PRH1: variants seen among roughly 807,000 people sequenced by gnomAD.
PRH1 encodes salivary acidic proline-rich phosphoprotein 1/2.
In PRH1, 7 loss-of-function variants were observed where a neutral mutation model predicts 7.9. The observed-to-expected ratio is 0.89, with a 90% CI of 0.50 to 1.67. PRH1 has a LOEUF of 1.67. PRH1 is among the 40% of genes most tolerant of loss of function. PRH1 has a pLI of 0.00. For synonymous variants in PRH1, 45 were observed against 80.8 expected, an observed-to-expected ratio of 0.56 and a Z score of 2.38; for missense variants, 109 against 223.6, an observed-to-expected ratio of 0.49 and a Z score of 3.27.
chr12:10,992,293 ACT>A (rs1481089282), intron 1 of PRH1, among the ~76,000 whole-genome samples: 2 of 152,130 alleles, frequency 1.3e-5, no homozygotes, highest in Non-Finnish European at 1.5e-5. Context: ...ATATATCCAT[ACT>A]CTCAGAATTT....
intron 1 of PRH1, among the ~76,000 whole-genome samples, chr12:10,981,231 C>T (rs1410271716): frequency 3.3e-5 from 5 of 152,174 alleles, no homozygotes; most frequent in African/African-American, 1.2e-4. Flanking sequence ...CCCCAGAAAA[C>T]AGTCCTCAGA....
Position 11,097,445 on chromosome 12 carries a change from T to A in PRH1, n.124-50257A>T, listed in dbSNP as rs1275341576. Among the ~76,000 whole-genome samples, 2 of 115,042 alleles carry A rather than the reference T, an allele frequency of 1.7e-5. 1 individual carries two copies. The highest frequency in any genetic ancestry group is 1.8e-4 in the Admixed American group (2 of 11,368). 75.5% of individuals were successfully genotyped at this position (115,042 alleles called of 152,430 possible). ...CTCAAAAAATGTGTTATTTGCTGTATCTTTCTTATTAAGGAATTTTATTTA... is the reference window on the plus strand; with the variant it reads ...CTCAAAAAATGTGTTATTTGCTGTAACTTTCTTATTAAGGAATTTTATTTA... On this transcript the variant is annotated intron_variant and non_coding_transcript_variant, in intron 1 of 4. Transcript: ENST00000541977.
rs768693179 is a variant in PRH1, at chr12:10,996,973, T to G, written c.-125-23252A>C. ...ATGGAGTTGACTGGTTCTGTCCTTT[T>G]GCCCAGCAAGTCACCTGCCACAAAA... On this transcript the variant is annotated intron_variant, in intron 1 of 3. Transcript: ENST00000539853. 1.9e-6 allele frequency: 3 copies of G among 1,613,266 alleles called. No individual in the cohort carries two copies. The African/African-American group carries it at 4.0e-5, about 22-fold the overall frequency.
Position 11,030,963 on chromosome 12 carries a change from C to T in PRH1, c.-126+16057G>A, listed in dbSNP as rs767981208. The T allele has an allele frequency of 6.2e-6, 10 of 1,614,172 alleles. No homozygotes were observed. In the Admixed American group the frequency reaches 1.7e-4, roughly 27 times the overall value. ...AGCATCACCAGAATGACACTCTTAA[C>T]TCTCCTCTTTAAGTGAAGAAAAATA... On this transcript the variant is annotated intron_variant, in intron 1 of 3. Transcript: ENST00000539853.
At chr12:11,044,936 C>T (rs1011064943) in intron 1 of PRH1, among the ~76,000 whole-genome samples, 1 of 152,078 alleles carries the variant, frequency 6.6e-6, no homozygotes, top group African/African-American at 2.4e-5. Flanking sequence ...ACCATATGTT[C>T]CACCAATCTC....
intron 1 of PRH1, among the ~76,000 whole-genome samples, chr12:11,148,874 C>T (rs1946963236): frequency 7.4e-6 from 1 of 135,814 alleles, no homozygotes; most frequent in African/African-American, 2.6e-5. Context: ...CCAGTTCCTC[C>T]TTGTACCTCT....
intron 1 of PRH1, among the ~76,000 whole-genome samples, chr12:11,026,225 G>T (rs114619294): frequency 0.017 from 2,222 of 127,702 alleles, 3 homozygotes; most frequent in South Asian, 0.035. Flanking sequence ...TTGTACAGAC[G>T]GAGTTTCCAC....
rs1290950885 is a variant in PRH1 at position 11,020,370 on chromosome 12, A to ATATATATATATATATATATC, written c.-126+26649_-126+26650insGATATATATATATATATATA. ...GGAGGACGTATGATAAGCGATATAT[A>ATATATATATATATATATATC]TATATATATATATATATATATGTCT... is the stretch of plus-strand genomic sequence containing the variant. On this transcript the variant is annotated intron_variant, in intron 1 of 3. Transcript: ENST00000539853. 1.2e-4 allele frequency among the ~76,000 whole-genome samples: 9 copies of ATATATATATATATATATATC among 74,634 alleles called. No homozygotes were observed. In the East Asian group the frequency reaches 0.012, roughly 101 times the overall value. 49.0% of individuals were successfully genotyped at this position (74,634 alleles called of 152,430 possible).
chr12:11,044,076 T>A (rs189837429), intron 1 of PRH1, among the ~76,000 whole-genome samples: 176 of 152,262 alleles, frequency 1.2e-3, no homozygotes, highest in African/African-American at 4.0e-3. Context: ...AACAGCATGT[T>A]ACTGGCATTA....
intron 1 of PRH1, chr12:11,021,726 T>A: frequency 6.2e-7 from 1 of 1,614,146 alleles, no homozygotes. Flanking sequence ...GCTTCCTACT[T>A]CCCATAATCA....
intron 1 of PRH1, among the ~76,000 whole-genome samples, chr12:10,983,776 T>C (rs896902535): frequency 6.6e-6 from 1 of 152,188 alleles, no homozygotes; most frequent in African/African-American, 2.4e-5. Flanking sequence ...TCTCATCTCA[T>C]TGTGAAGTGG....
chr12:11,112,828 G>C (rs774738193), intron 1 of PRH1, among the ~76,000 whole-genome samples: 4 of 152,032 alleles, frequency 2.6e-5, no homozygotes, highest in Admixed American at 6.6e-5. Flanking sequence ...AGAAATAAAG[G>C]GTATTCAAAT....
chr12:11,030,624 A>C, intron 1 of PRH1: 1 of 1,589,274 alleles, frequency 6.3e-7, no homozygotes, highest in South Asian at 1.1e-5. Context: ...TAAACGGCAC[A>C]TAACAAGAGG....
intron 1 of PRH1, among the ~76,000 whole-genome samples, chr12:11,146,730 T>C (rs1260844157): frequency 2.0e-5 from 3 of 152,196 alleles, no homozygotes; most frequent in African/African-American, 4.8e-5. Flanking sequence ...TTAGTCCTTT[T>C]GGACTATTTT....
At chr12:11,037,950 G>A (rs1403457747) in intron 1 of PRH1, among the ~76,000 whole-genome samples, 1 of 152,246 alleles carries the variant, frequency 6.6e-6, no homozygotes, top group Non-Finnish European at 1.5e-5. Flanking sequence ...GCTGAGATGG[G>A]AGAATCACTT....
chr12:11,018,403 G>A (rs570443177), intron 1 of PRH1, among the ~76,000 whole-genome samples: 96 of 152,314 alleles, frequency 6.3e-4, no homozygotes, highest in African/African-American at 2.3e-3. Context: ...GGACTATATT[G>A]GACACAAACA....
intron 1 of PRH1, among the ~76,000 whole-genome samples, chr12:11,025,170 A>G (rs148174676): frequency 0.015 from 2,317 of 152,120 alleles, 19 homozygotes; most frequent in South Asian, 0.031. Context: ...GGTGCCCGCC[A>G]CCACGCCAGG....
chr12:11,090,443 C>T (rs1237694660), intron 1 of PRH1, among the ~76,000 whole-genome samples: 1 of 116,608 alleles, frequency 8.6e-6, no homozygotes, highest in Non-Finnish European at 2.0e-5. Flanking sequence ...AAATAATTTA[C>T]ATGAGATCTC....
chr12:11,171,538 A>G, upstream of PRH1: 1 of 1,232,182 alleles, frequency 8.1e-7, no homozygotes. Flanking sequence ...GTGATCCTCA[A>G]CATCCGATTG....
Sources: gnomAD v4.1 joint callset for allele counts (sites outside exome capture counted in the v4.1 genomes callset) on GRCh38, gnomAD v4.1.1 for gene constraint, MANE v1.5 for transcripts, NCBI Gene and HGNC (gene_info 2026-07-23, HGNC 2026-07-21) for gene names.